Variants in OSBPL9 observed in about 807,000 individuals in gnomAD.
OSBPL9 encodes oxysterol-binding protein-related protein 9.
OSBPL9 carries 40 observed loss-of-function variants against 106.6 expected under a neutral mutation model. That is an observed-to-expected ratio of 0.38 (90% CI 0.29 to 0.49). The LOEUF (loss-of-function observed/expected upper bound fraction) is 0.49, where lower values mean the gene tolerates loss of function less well. OSBPL9 is among the 20% of genes least tolerant of loss of function. The probability of loss-of-function intolerance (pLI) is 0.97; values close to 1 mark genes in which losing one functional copy is unlikely to be tolerated. For missense variants in OSBPL9, 609 were observed against 887.2 expected (o/e 0.69, Z 3.98); for synonymous variants, 269 against 295.4 (o/e 0.91, Z 0.92).
chr1:51,528,153 T>G, the OSBPL9 span, among the ~76,000 whole-genome samples: 1 of 151,632 alleles, frequency 6.6e-6, no homozygotes. Flanking sequence ...GTAACTCTAT[T>G]CAGCATTATA....
chr1:51,744,953 A>T (rs1667677267), intron 4 of OSBPL9: 1 of 152,836 alleles, frequency 6.5e-6, no homozygotes, highest in Admixed American at 6.5e-5. Context: ...GGTGAAAGTG[A>T]GTAGGAAACT....
chr1:51,786,186 A>C, intron 21 of OSBPL9: 1 of 452,352 alleles, frequency 2.2e-6, no homozygotes, highest in Non-Finnish European at 3.9e-6. Context: ...GAACCCAGTA[A>C]ATGTTAGGTA....
At chr1:51,720,719 T>C (rs902509004) in intron 4 of OSBPL9, among the ~76,000 whole-genome samples, 1 of 152,144 alleles carries the variant, frequency 6.6e-6, no homozygotes, top group Non-Finnish European at 1.5e-5. Context: ...AAATTGGGCA[T>C]TAATTGTCCT....
chr1:51,602,545 C>A (rs1237876317), intron 2 of OSBPL9, among the ~76,000 whole-genome samples: 1 of 151,140 alleles, frequency 6.6e-6, no homozygotes, highest in Non-Finnish European at 1.5e-5. Flanking sequence ...ACCTCGGCCT[C>A]CCTGGTAGCT....
chr1:51,629,192 T>C (rs1644955737), intron 1 of OSBPL9, among the ~76,000 whole-genome samples: 1 of 152,214 alleles, frequency 6.6e-6, no homozygotes, highest in African/African-American at 2.4e-5. Context: ...TCAGTTGCTA[T>C]CATAATCATC....
At chr1:51,748,496 A>G (rs1668508149) in intron 7 of OSBPL9, 98 bp downstream of exon 7, 2 of 1,267,210 alleles carry the variant, frequency 1.6e-6, no homozygotes, top group Non-Finnish European at 2.0e-6. Flanking sequence ...AGCAATTGAG[A>G]TGTTAGTTTT....
At chr1:51,756,555 T>C (rs1359483222) in intron 9 of OSBPL9, 197 bp downstream of exon 9, 1 of 561,004 alleles carries the variant, frequency 1.8e-6, no homozygotes, top group Non-Finnish European at 3.2e-6. Context: ...TTAAAATTTT[T>C]CTAAGTGTGG....
chr1:51,546,241 T>G, the OSBPL9 span, among the ~76,000 whole-genome samples: 2 of 151,978 alleles, frequency 1.3e-5, no homozygotes, highest in African/African-American at 4.8e-5. Context: ...GGTCTCGAAT[T>G]CCTGAGCGCA....
At chr1:51,591,916 G>A (rs180825956) in intron 1 of OSBPL9, among the ~76,000 whole-genome samples, 1 of 152,074 alleles carries the variant, frequency 6.6e-6, no homozygotes, top group African/African-American at 2.4e-5. Context: ...CCTAACACTG[G>A]ACTTCTCGGT....
At chr1:51,641,400 TG>T (rs1645785504) in intron 1 of OSBPL9, among the ~76,000 whole-genome samples, 1 of 152,174 alleles carries the variant, frequency 6.6e-6, no homozygotes, top group African/African-American at 2.4e-5. Context: ...ATGAACTTTG[TG>T]GGGATGTAAA....
chr1:51,731,079 C>A (rs1664284645), intron 4 of OSBPL9, among the ~76,000 whole-genome samples: 1 of 150,908 alleles, frequency 6.6e-6, no homozygotes, highest in Non-Finnish European at 1.5e-5. Context: ...TGCAGCCCGA[C>A]AAGAGACAAC....
At chr1:51,628,601 A>G (rs996810192) in intron 1 of OSBPL9, among the ~76,000 whole-genome samples, 14 of 152,172 alleles carry the variant, frequency 9.2e-5, no homozygotes, top group Non-Finnish European at 1.9e-4. Context: ...TAAAAAAGAA[A>G]AGAGAAAAAG....
At chr1:51,572,014 G>A in the OSBPL9 span, among the ~76,000 whole-genome samples, 15 of 152,212 alleles carry the variant, frequency 9.9e-5, no homozygotes, top group Admixed American at 8.5e-4. Context: ...CATCACCAAG[G>A]CACAGCTTCC....
chr1:51,730,917 T>C (rs1664228141), intron 4 of OSBPL9, among the ~76,000 whole-genome samples: 2 of 152,226 alleles, frequency 1.3e-5, no homozygotes, highest in Admixed American at 6.5e-5. Flanking sequence ...AAACTGGAAA[T>C]TCTCACGTAG....
At chr1:51,592,107 G>GT (rs1645278666) in intron 1 of OSBPL9, among the ~76,000 whole-genome samples, 7 of 132,160 alleles carry the variant, frequency 5.3e-5, no homozygotes, top group African/African-American at 1.9e-4. Flanking sequence ...TGTTGCTAAG[G>GT]CTTTTTTTTT....
chr1:51,561,532 G>T, the OSBPL9 span: 1 of 152,146 alleles, frequency 6.6e-6, no homozygotes, highest in Admixed American at 6.5e-5. Flanking sequence ...TGTAGAAAAT[G>T]CAATTATGCT....
At chr1:51,571,915 A>T in the OSBPL9 span, among the ~76,000 whole-genome samples, 3 of 152,146 alleles carry the variant, frequency 2.0e-5, no homozygotes, top group Non-Finnish European at 1.5e-5. Flanking sequence ...GAGGAATCCA[A>T]TGAACCTGAG....
At chr1:51,752,755 A>G (rs1230884601) in intron 8 of OSBPL9, 2 of 296,732 alleles carry the variant, frequency 6.7e-6, no homozygotes, top group East Asian at 8.0e-5. Flanking sequence ...GGGAGCGTGC[A>G]CGTGTGAGAT....
At chr1:51,551,426 T>C in the OSBPL9 span, among the ~76,000 whole-genome samples, 1 of 152,182 alleles carries the variant, frequency 6.6e-6, no homozygotes, top group Admixed American at 6.6e-5. Flanking sequence ...GCCTGCTTTC[T>C]TTTTTCAATT....
Sources: gnomAD v4.1 joint callset for allele counts (sites outside exome capture counted in the v4.1 genomes callset) on GRCh38, gnomAD v4.1.1 for gene constraint, MANE v1.5 for transcripts, NCBI Gene and HGNC (gene_info 2026-07-23, HGNC 2026-07-21) for gene names.